Variants in CDKAL1 observed in about 807,000 individuals in gnomAD.
CDKAL1 encodes the protein threonylcarbamoyladenosine tRNA methylthiotransferase.
A neutral mutation model predicts 68.2 loss-of-function variants in CDKAL1; 32 were observed. The ratio of observed to expected loss-of-function variants is 0.47; its 90% CI spans 0.35 to 0.63. The LOEUF (loss-of-function observed/expected upper bound fraction) is 0.63. CDKAL1 is among the 30% of genes least tolerant of loss of function. CDKAL1 has a pLI of 0.00. For missense variants in CDKAL1, 606 were observed against 696.7 expected (o/e 0.87, Z 1.47); for synonymous variants, 234 against 244.3 (o/e 0.96, Z 0.39).
At chr6:20,964,684 GAAGAATAA>G (rs1765216920) in intron 10 of CDKAL1, among the ~76,000 whole-genome samples, 1 of 152,126 alleles carries the variant, frequency 6.6e-6, no homozygotes, top group African/African-American at 2.4e-5. Flanking sequence ...AGAGCATCAG[GAAGAATAA>G]CTAATGGATG....
intron 7 of CDKAL1, among the ~76,000 whole-genome samples, chr6:20,776,810 A>C (rs1254441709): frequency 6.6e-6 from 1 of 152,208 alleles, no homozygotes; most frequent in Admixed American, 6.5e-5. Context: ...GGATAAAAAC[A>C]GTGTAAGTCT....
rs145283427 is a variant in CDKAL1, at chr6:20,884,606, C to G, written c.742+38428C>G. On this transcript the variant is annotated intron_variant, in intron 9 of 15. Transcript: ENST00000274695. ...ATATGATCCTAAATATAGAAGATCC[C>G]AAAGAATCTACAAGAAAACTACTAG... Among the ~76,000 whole-genome samples the G allele has an allele frequency of 1.7e-4, 26 of 152,192 alleles. No individual in the cohort carries two copies. The East Asian group carries it at 4.8e-3, about 28-fold the overall frequency.
intron 11 of CDKAL1, among the ~76,000 whole-genome samples, chr6:21,039,781 G>C (rs746985401): frequency 3.3e-5 from 5 of 152,050 alleles, no homozygotes; most frequent in Admixed American, 2.0e-4. Flanking sequence ...TGAAACATGG[G>C]GGACTGAGCC....
intron 13 of CDKAL1, among the ~76,000 whole-genome samples, chr6:21,191,435 C>T (rs1215767909): frequency 6.6e-6 from 1 of 152,174 alleles, no homozygotes; most frequent in Non-Finnish European, 1.5e-5. Flanking sequence ...AAAATCTACC[C>T]CAAAATTGAA....
intron 12 of CDKAL1, among the ~76,000 whole-genome samples, chr6:21,100,483 G>A (rs1773528236): frequency 6.6e-6 from 1 of 152,152 alleles, no homozygotes; most frequent in South Asian, 2.1e-4. Context: ...ACAGTCAAAA[G>A]CATTTATGGT....
At chr6:20,733,044 T>G (rs1422540918) in intron 5 of CDKAL1, among the ~76,000 whole-genome samples, 1 of 152,172 alleles carries the variant, frequency 6.6e-6, no homozygotes, top group Non-Finnish European at 1.5e-5. Context: ...GGGAGGACTC[T>G]TAGTCTCAGC....
At chr6:20,747,369 T>C (rs774701960) in intron 6 of CDKAL1, among the ~76,000 whole-genome samples, 5 of 152,222 alleles carry the variant, frequency 3.3e-5, no homozygotes, top group African/African-American at 4.8e-5. Context: ...TGCTGGATCA[T>C]ATGGTAGTTC....
At chr6:20,934,853 G>C (rs1362355171) in intron 9 of CDKAL1, among the ~76,000 whole-genome samples, 6 of 151,046 alleles carry the variant, frequency 4.0e-5, no homozygotes. Context: ...TTGTCGCAAA[G>C]AAACAAAGCA....
chr6:21,154,675 C>T (rs1365592376), intron 13 of CDKAL1, among the ~76,000 whole-genome samples: 1 of 152,270 alleles, frequency 6.6e-6, no homozygotes, highest in South Asian at 2.1e-4. Context: ...GCTAAATACT[C>T]TACAATGTGT....
intron 5 of CDKAL1, among the ~76,000 whole-genome samples, chr6:20,665,577 T>G (rs1352076541): frequency 6.6e-6 from 1 of 152,116 alleles, no homozygotes; most frequent in Non-Finnish European, 1.5e-5. Flanking sequence ...ACAAAGTATG[T>G]TCTTCCTTCC....
intron 4 of CDKAL1, among the ~76,000 whole-genome samples, chr6:20,554,267 T>C (rs933836835): frequency 5.9e-5 from 9 of 152,278 alleles, no homozygotes; most frequent in Non-Finnish European, 1.2e-4. Context: ...TAGATTAGTA[T>C]CTTGGGAAGC....
intron 12 of CDKAL1, among the ~76,000 whole-genome samples, chr6:21,080,772 G>A (rs1007321543): frequency 6.6e-6 from 1 of 152,198 alleles, no homozygotes; most frequent in Non-Finnish European, 1.5e-5. Flanking sequence ...TACGGCACAA[G>A]TGTAGACTAA....
At chr6:20,612,990 TACACACACACACACAC>T (rs55999857) in intron 4 of CDKAL1, among the ~76,000 whole-genome samples, 6,268 of 130,024 alleles carry the variant, frequency 0.048, 241 homozygotes, top group African/African-American at 0.11. Flanking sequence ...TTGCAATTTC[TACACACACACACACAC>T]ACACACACAC....
chr6:20,539,450 T>G lies in CDKAL1; in HGVS notation c.-6+4056T>G, dbSNP rs1763304071. ...TTAAGCAGATGATTAAATGCTACAG[T>G]TTAAAAAAAGGCAGGAAAGGGGCAT... On this transcript the variant is annotated intron_variant, in intron 2 of 15. Transcript: ENST00000274695. The surrounding 1 kb of genome is among the most constrained non-coding windows in gnomAD (Gnocchi z 4.3). Among the ~76,000 whole-genome samples, 1 of 152,016 alleles carries G rather than the reference T, an allele frequency of 6.6e-6. No individual in the cohort carries two copies. The highest frequency in any genetic ancestry group is 2.4e-5 in the African/African-American group (1 of 41,360).
intron 5 of CDKAL1, among the ~76,000 whole-genome samples, chr6:20,657,768 G>A (rs559414513): frequency 6.6e-6 from 1 of 152,224 alleles, no homozygotes; most frequent in South Asian, 2.1e-4. Context: ...ACTGATAAAA[G>A]AGTAAGAATT....
At chr6:20,543,134 G>A (rs1402471993) in intron 2 of CDKAL1, among the ~76,000 whole-genome samples, 2 of 152,198 alleles carry the variant, frequency 1.3e-5, no homozygotes, top group Non-Finnish European at 2.9e-5. Flanking sequence ...GAACATTCAT[G>A]TACAGGTCTT....
intron 4 of CDKAL1, among the ~76,000 whole-genome samples, chr6:20,584,821 A>G (rs902551486): frequency 6.6e-6 from 1 of 152,070 alleles, no homozygotes; most frequent in Admixed American, 6.6e-5. Context: ...CCCGCACCAA[A>G]TCTACCTGCT....
chr6:20,794,389 G>A (rs1216805582), intron 8 of CDKAL1, among the ~76,000 whole-genome samples: 1 of 152,104 alleles, frequency 6.6e-6, no homozygotes, highest in Non-Finnish European at 1.5e-5. Context: ...TTTGATTTAA[G>A]CTATTTGTTT....
intron 10 of CDKAL1, among the ~76,000 whole-genome samples, chr6:20,976,259 AG>A: frequency 6.6e-6 from 1 of 152,350 alleles, no homozygotes; most frequent in Non-Finnish European, 1.5e-5. Flanking sequence ...TTATCACTAT[AG>A]TAGAATTCTC....
Sources: allele counts gnomAD v4.1 joint callset (sites outside exome capture counted in the v4.1 genomes callset), GRCh38; gene constraint gnomAD v4.1.1; non-coding constraint Gnocchi (gnomAD v3.1); transcripts MANE v1.5; gene names NCBI Gene and HGNC (gene_info 2026-07-23, HGNC 2026-07-21).